The following PTPN13 variants were observed in gnomAD, a reference collection of about 807,000 sequenced individuals.
PTPN13 encodes protein tyrosine phosphatase non-receptor type 13, also known as tyrosine-protein phosphatase non-receptor type 13.
A neutral mutation model predicts 284.0 loss-of-function variants in PTPN13; 191 were observed. The ratio of observed to expected loss-of-function variants is 0.67; its 90% CI spans 0.60 to 0.76. The LOEUF is 0.76. Among genes scored for constraint, PTPN13 ranks in the 30% least tolerant of loss-of-function variants. The pLI is 0.00. For missense variants in PTPN13, 2,797 were observed against 2,939.9 expected, an observed-to-expected ratio of 0.95 and a Z score of 1.12; for synonymous variants, 986 against 1,022.3, an observed-to-expected ratio of 0.96 and a Z score of 0.68.
At chr4:86,699,040 T>A (rs1282361860) in intron 6 of PTPN13, among the ~76,000 whole-genome samples, 1 of 152,078 alleles carries the variant, frequency 6.6e-6, no homozygotes, top group African/African-American at 2.4e-5. Flanking sequence ...AGAATACATA[T>A]TGGGGATTGG....
At chr4:86,638,702 G>A (rs1723360524) in intron 2 of PTPN13, among the ~76,000 whole-genome samples, 1 of 152,012 alleles carries the variant, frequency 6.6e-6, no homozygotes, top group African/African-American at 2.4e-5. Context: ...AGATTTAAAC[G>A]TTAGACCTAA....
At chr4:86,650,802 G>A (rs1258940654) in intron 2 of PTPN13, among the ~76,000 whole-genome samples, 2 of 152,116 alleles carry the variant, frequency 1.3e-5, no homozygotes, top group Non-Finnish European at 2.9e-5. Flanking sequence ...TTGTTTATCG[G>A]TTCCAAAGGT....
intron 1 of PTPN13, among the ~76,000 whole-genome samples, chr4:86,610,661 A>G (rs1408395473): frequency 6.6e-6 from 1 of 152,212 alleles, no homozygotes; most frequent in Non-Finnish European, 1.5e-5. Flanking sequence ...TAATTTGTGA[A>G]GTCTTCTAAT....
At chr4:86,621,108 T>C (rs924672094) in intron 1 of PTPN13, among the ~76,000 whole-genome samples, 1 of 152,174 alleles carries the variant, frequency 6.6e-6, no homozygotes, top group African/African-American at 2.4e-5. Flanking sequence ...ATGAATTCTG[T>C]ACACTTAGAA....
chr4:86,741,549 C>T lies in PTPN13; in HGVS notation c.2305-85C>T, dbSNP rs971022112. ...TCAAGATGAGATTTGTGGGGGGACACGGCCAAACCATATCATACAGCTTCA... is the reference window on the plus strand; with the variant it reads ...TCAAGATGAGATTTGTGGGGGGACATGGCCAAACCATATCATACAGCTTCA... On this transcript the variant is annotated intron_variant, in intron 15 of 47. Transcript: ENST00000411767. 14 of 1,249,668 alleles carry T rather than the reference C, an allele frequency of 1.1e-5. 1 individual carries two copies. Among genetic ancestry groups the T allele is most frequent in the African/African-American group, 4.5e-5 (3 of 67,116 alleles). 77.4% of individuals were successfully genotyped at this position (1,249,668 alleles called of 1,614,324 possible). A position where few individuals can be genotyped will look rare whatever the true frequency, so the allele number is the denominator to read the frequency against.
intron 46 of PTPN13, 60 bp from the exon 47 acceptor site, chr4:86,810,985 CT>C: frequency 6.6e-7 from 1 of 1,511,438 alleles, no homozygotes; most frequent in Non-Finnish European, 9.1e-7. Context: ...CTCTGTGATC[CT>C]TTTGAGATTC....
chr4:86,768,017 C>T (rs761031599), intron 28 of PTPN13, 41 bp downstream of exon 28: 4 of 1,556,250 alleles, frequency 2.6e-6, no homozygotes, highest in South Asian at 2.4e-5. Flanking sequence ...TTAAATTATT[C>T]CTCGCCTATT....
At chr4:86,611,863 C>A (rs1190053612) in intron 1 of PTPN13, among the ~76,000 whole-genome samples, 2 of 152,140 alleles carry the variant, frequency 1.3e-5, no homozygotes, top group Non-Finnish European at 2.9e-5. Flanking sequence ...GAGTATTCAA[C>A]ATTACATGCA....
At chr4:86,651,997 A>C (rs1725139919) in intron 2 of PTPN13, among the ~76,000 whole-genome samples, 1 of 152,218 alleles carries the variant, frequency 6.6e-6, no homozygotes, top group Non-Finnish European at 1.5e-5. Flanking sequence ...GAATTGGATC[A>C]GCCGAGACTA....
rs184213935 is a variant in PTPN13 at position 86,635,162 on chromosome 4, A to G, written c.-5-90A>G. ...GAGAAATTAGGTAGACAGGGGGCTT[A>G]TAGTCTGTCATCACTGATGTAGAGC... On this transcript the variant is annotated intron_variant, in intron 1 of 47. Transcript: ENST00000411767. 600 of 1,360,474 alleles carry G rather than the reference A, an allele frequency of 4.4e-4. 2 individuals are homozygous for G. The highest frequency in any genetic ancestry group is 3.9e-3 in the South Asian group (289 of 73,200). 84.3% of individuals were successfully genotyped at this position (1,360,474 alleles called of 1,614,324 possible). A position where few individuals can be genotyped will look rare whatever the true frequency, so the allele number is the denominator to read the frequency against.
rs368795685 is a variant in PTPN13, at chr4:86,765,522, A to G, written c.4243+34A>G. ...TTTATATTATGTGGGAATTATATGT[A>G]TGAATATTACAACAAATAGATAAGA... On this transcript the variant is annotated intron_variant, in intron 26 of 47. Transcript: ENST00000411767. 10 of 1,401,002 alleles carry G rather than the reference A, an allele frequency of 7.1e-6. No homozygotes were observed. The African/African-American group carries it at 1.4e-4, about 20-fold the overall frequency. 86.8% of individuals were successfully genotyped at this position (1,401,002 alleles called of 1,614,324 possible). A position where few individuals can be genotyped will look rare whatever the true frequency, so the allele number is the denominator to read the frequency against.
At chr4:86,658,668 T>C (rs2148838810) in intron 2 of PTPN13, among the ~76,000 whole-genome samples, 1 of 152,206 alleles carries the variant, frequency 6.6e-6, no homozygotes, top group South Asian at 2.1e-4. Flanking sequence ...AATGAGAAGG[T>C]CCAACATACC....
chr4:86,624,175 TA>T (rs1259501788), intron 1 of PTPN13, among the ~76,000 whole-genome samples: 1 of 152,126 alleles, frequency 6.6e-6, no homozygotes, highest in Admixed American at 6.6e-5. Context: ...CTTGTAGCTT[TA>T]TTTTCTTTTT....
At chr4:86,772,366 C>T (rs1179768160) in intron 31 of PTPN13, among the ~76,000 whole-genome samples, 1 of 152,088 alleles carries the variant, frequency 6.6e-6, no homozygotes, top group Non-Finnish European at 1.5e-5. Flanking sequence ...CCAGCCTGGG[C>T]AACATGGCAA....
chr4:86,681,276 C>T (rs959477378), intron 3 of PTPN13, among the ~76,000 whole-genome samples: 2 of 152,042 alleles, frequency 1.3e-5, no homozygotes, highest in Non-Finnish European at 1.5e-5. Context: ...ATATCTCTCT[C>T]CTGTTAGACT....
chr4:86,667,572 A>G lies in PTPN13; in HGVS notation c.116-4793A>G, dbSNP rs574472534. Among the ~76,000 whole-genome samples the G allele has an allele frequency of 2.0e-5, 3 of 152,280 alleles. No individual in the cohort carries two copies. In the South Asian group the frequency reaches 6.2e-4, roughly 32 times the overall value. On this transcript the variant is annotated intron_variant, in intron 2 of 47. Transcript: ENST00000411767. ...AACTATTCTGAACCATTTATTTTCT[A>G]TTTGTGCATTGTTATACCAGATTAT...
chr4:86,750,836 A>C lies in PTPN13; in HGVS notation c.3017A>C (p.Gln1006Pro). The change falls in exon 18 of 48, where the codon CAG (glutamine) becomes CCG (proline). Residue 1006 changes from glutamine to proline, a missense_variant. Transcript: ENST00000411767. ...VAELVGKPSH[Q>P]MSRSDAESLA... ...GAGTTGGTGGGAAAACCTTCTCACC[A>C]GATGTCAAGATCTGATGCAGAATCT... 6.2e-7 allele frequency: 1 copy of C among 1,613,840 alleles called. No homozygotes were observed. The highest frequency in any genetic ancestry group is 8.5e-7 in the Non-Finnish European group (1 of 1,179,836).
chr4:86,676,167 A>G (rs1374382711), intron 3 of PTPN13, among the ~76,000 whole-genome samples: 2 of 152,212 alleles, frequency 1.3e-5, no homozygotes, highest in Non-Finnish European at 2.9e-5. Flanking sequence ...TCCCGTTTTC[A>G]TTCATTCATA....
Position 86,809,936 on chromosome 4 carries a change from C to T in PTPN13, c.7251C>T (p.Thr2417=). ...GTGCTGGCATTGGACGTTCAGGGAC[C>T]CTGATTTGCATAGATGTGGTTCTGG... ...HCSAGIGRSG[T]LICIDVVLGL... is the part of the protein sequence containing the mutation. The change falls in exon 46 of 48, where the codon ACC becomes ACT. Residue 2417 remains threonine, a synonymous_variant. Transcript: ENST00000411767. 1 of 1,613,944 alleles carries T rather than the reference C, an allele frequency of 6.2e-7. No homozygotes were observed. The highest frequency in any genetic ancestry group is 8.5e-7 in the Non-Finnish European group (1 of 1,179,892).
Sources: gnomAD v4.1 joint callset for allele counts (sites outside exome capture counted in the v4.1 genomes callset) on GRCh38, gnomAD v4.1.1 for gene constraint, MANE v1.5 for transcripts, NCBI Gene and HGNC (gene_info 2026-07-23, HGNC 2026-07-21) for gene names.